The following IFT140 variants were observed in gnomAD, a reference collection of about 807,000 sequenced individuals.
IFT140 encodes the protein intraflagellar transport protein 140 homolog.
A neutral mutation model predicts 164.6 loss-of-function variants in IFT140; 133 were observed. The ratio of observed to expected loss-of-function variants is 0.81; its 90% CI spans 0.70 to 0.93. The LOEUF (loss-of-function observed/expected upper bound fraction) is 0.93, where lower values mean the gene tolerates loss of function less well. Among genes scored for constraint, IFT140 ranks in the 40% least tolerant of loss-of-function variants. The pLI, the probability that IFT140 is intolerant of heterozygous loss-of-function variation, is 0.00. For missense variants in IFT140, 2,045 were observed against 1,972.3 expected, an observed-to-expected ratio of 1.04 and a Z score of -0.70; for synonymous variants, 860 against 817.3, an observed-to-expected ratio of 1.05 and a Z score of -0.89.
intron 30 of IFT140, among the ~76,000 whole-genome samples, chr16:1,513,792 G>C (rs1228301853): frequency 2.0e-5 from 3 of 149,710 alleles, no homozygotes; most frequent in Non-Finnish European, 4.4e-5. Flanking sequence ...TCCTGCCTCA[G>C]CCTCCCAAGT....
At chr16:1,566,377 T>C (rs1174523147) in intron 15 of IFT140, 86 bp from the exon 16 acceptor site, 2 of 1,360,168 alleles carry the variant, frequency 1.5e-6, no homozygotes, top group Middle Eastern at 2.0e-4. Flanking sequence ...ACACAGCACA[T>C]GTCAAGAGAA....
chr16:1,515,323 C>T (rs1223602675), intron 30 of IFT140, among the ~76,000 whole-genome samples: 2 of 152,144 alleles, frequency 1.3e-5, no homozygotes, highest in Non-Finnish European at 1.5e-5. Context: ...AAGGGCCCCA[C>T]AGACAGCCCA....
chr16:1,574,168 C>A (rs1265602946), intron 13 of IFT140, among the ~76,000 whole-genome samples: 1 of 152,204 alleles, frequency 6.6e-6, no homozygotes, highest in Non-Finnish European at 1.5e-5. Context: ...CTCTTTTCGG[C>A]CTTAAAAACC....
chr16:1,601,211 C>T (rs1014200483), intron 4 of IFT140, among the ~76,000 whole-genome samples: 2 of 150,118 alleles, frequency 1.3e-5, no homozygotes, highest in African/African-American at 4.9e-5. Context: ...TTGCAGTGAG[C>T]TGAGAACGTG....
At position 1,557,962 on chromosome 16, in the gene IFT140, G is replaced by T. The variant is rs758544371; in HGVS notation, c.2372C>A (p.Ala791Asp). The T allele has an allele frequency of 6.2e-7, 1 of 1,613,776 alleles. No homozygotes were observed. ...TTTGATGAGCTTGATGGATTTGAAG[G>T]CTTCGTCCATGTCTCCTATGGTGAC... Reference protein sequence around the residue: ...FFVTIGDMDEAFKSIKLIKSE... With the variant: ...FFVTIGDMDEDFKSIKLIKSE... Residue 791 changes from alanine (A) to aspartate (D), a missense_variant, in exon 19 of 31, where the codon GCC (alanine) becomes GAC (aspartate). Ala to Asp is a moderately radical substitution (Grantham distance 126, BLOSUM62 -2). Coordinates refer to ENST00000426508, the MANE Select transcript of IFT140 (RefSeq NM_014714.4).
intron 19 of IFT140, chr16:1,528,709 C>A (rs1455595830): frequency 6.5e-6 from 1 of 153,216 alleles, no homozygotes; most frequent in Non-Finnish European, 1.5e-5. Flanking sequence ...AGGGCAGCAG[C>A]CCTGCAGCCT....
At chr16:1,540,069 G>A (rs2031482577) in intron 19 of IFT140, among the ~76,000 whole-genome samples, 1 of 152,160 alleles carries the variant, frequency 6.6e-6, no homozygotes, top group African/African-American at 2.4e-5. Flanking sequence ...AGGACGGCGG[G>A]GGGACCCTCA....
At chr16:1,521,634 C>T (rs1232950104) in intron 26 of IFT140, among the ~76,000 whole-genome samples, 1 of 151,754 alleles carries the variant, frequency 6.6e-6, no homozygotes, top group Non-Finnish European at 1.5e-5. Context: ...TCAGGTGATC[C>T]ACCCACCTCG....
chr16:1,579,355 ACCTTGTGGTT>A (rs2034436365), intron 13 of IFT140: 1 of 152,000 alleles, frequency 6.6e-6, no homozygotes, highest in African/African-American at 2.4e-5. Context: ...TGCAGTTCAG[ACCTTGTGGTT>A]CAAGGTCAAG....
At chr16:1,577,305 G>A (rs936640397) in intron 13 of IFT140, 1 of 152,192 alleles carries the variant, frequency 6.6e-6, no homozygotes, top group African/African-American at 2.4e-5. Flanking sequence ...ACAGTACTAT[G>A]AATGTATTTC....
rs569828117 is a variant in IFT140, at chr16:1,526,762, C to A, written c.2434G>T (p.Val812Leu). The A allele has an allele frequency of 1.2e-6, 2 of 1,610,420 alleles. No individual in the cohort carries two copies. Among genetic ancestry groups the A allele is most frequent in the African/African-American group, 2.7e-5 (2 of 75,054 alleles). The change falls in exon 20 of 31, where the codon GTG becomes TTG. Residue 812 changes from valine (V) to leucine (L), a missense_variant. Transcript: ENST00000426508. ...GCCACGTCCAGCCGCTGGGTCTTCACGCACATGCGCGCCATGTTCTCCCAG... is the reference window on the plus strand; with the variant it reads ...GCCACGTCCAGCCGCTGGGTCTTCAAGCACATGCGCGCCATGTTCTCCCAG... ...AVWENMARMCVKTQRLDVAKV... is the reference protein window; with the variant it reads ...AVWENMARMCLKTQRLDVAKV...
At chr16:1,512,514 G>A (rs1434659226) in intron 30 of IFT140, among the ~76,000 whole-genome samples, 4 of 152,140 alleles carry the variant, frequency 2.6e-5, no homozygotes, top group Non-Finnish European at 2.9e-5. Context: ...CAGGCTTCAA[G>A]CAACCATAGA....
At chr16:1,530,133 C>CTTTTTTTTTTTTTGTTTTTTTTTTTT (rs2030300034) in intron 19 of IFT140, among the ~76,000 whole-genome samples, 1 of 88,596 alleles carries the variant, frequency 1.1e-5, no homozygotes, top group African/African-American at 5.4e-5. Context: ...CGACGGGAAT[C>CTTTTTTTTTTTTTGTTTTTTTTTTTT]TTTTTTTTTT....
At chr16:1,549,507 C>T (rs2032460016) in intron 19 of IFT140, among the ~76,000 whole-genome samples, 2 of 152,212 alleles carry the variant, frequency 1.3e-5, no homozygotes, top group African/African-American at 4.8e-5. Context: ...CGGCTCACCG[C>T]CGCAAGCTCT....
chr16:1,569,009 T>C (rs1243804903), intron 14 of IFT140, among the ~76,000 whole-genome samples: 3 of 150,034 alleles, frequency 2.0e-5, no homozygotes, highest in Admixed American at 2.0e-4. Context: ...GCTTGTTTTT[T>C]TTTTTTTTTT....
At chr16:1,584,894 T>C (rs2034787099) in intron 10 of IFT140, among the ~76,000 whole-genome samples, 1 of 152,198 alleles carries the variant, frequency 6.6e-6, no homozygotes, top group South Asian at 2.1e-4. Flanking sequence ...TAGGAAAGTA[T>C]AAATTCCATA....
Position 1,551,829 on chromosome 16 carries a change from T to C in IFT140, c.2399+6106A>G, listed in dbSNP as rs1407749477. The stretch of plus-strand genomic sequence containing the variant: ...GACCTCCCACCCGGGCTGGTTGCCC[T>C]GTGTTGCCTTAGAGTTTTCTTCCCG... On this transcript the variant is annotated intron_variant, in intron 19 of 30. Coordinates refer to ENST00000426508, the MANE Select transcript of IFT140 (RefSeq NM_014714.4). The surrounding 1 kb of genome is among the most constrained non-coding windows in gnomAD (Gnocchi z 4.0). 1.3e-5 allele frequency among the ~76,000 whole-genome samples: 2 copies of C among 152,290 alleles called. No homozygotes were observed. The highest frequency in any genetic ancestry group is 2.1e-4 in the South Asian group (1 of 4,824).
At chr16:1,512,308 G>A (rs1833013679) in intron 30 of IFT140, among the ~76,000 whole-genome samples, 1 of 152,072 alleles carries the variant, frequency 6.6e-6, no homozygotes, top group Non-Finnish European at 1.5e-5. Flanking sequence ...TCAGGAGGGT[G>A]TGTGCGGGCT....
chr16:1,587,962 G>T lies in IFT140; in HGVS notation c.873C>A (p.Leu291=). 6.2e-7 allele frequency: 1 copy of T among 1,613,348 alleles called. No individual in the cohort carries two copies. Among genetic ancestry groups the T allele is most frequent in the South Asian group, 1.1e-5 (1 of 90,868 alleles). ...ADIALIEGSL[L]VMAVGEAALR... is the part of the protein sequence containing the mutation. ...GGGCAGCCTCCCCGACGGCCATCAC[G>T]AGAAGGCTGCCTTCAATCAAAGCGA... The change falls in exon 8 of 31, where the codon CTC becomes CTA. Residue 291 remains leucine (L), a synonymous_variant. Transcript: ENST00000426508.
Sources: gnomAD v4.1 joint callset for allele counts (sites outside exome capture counted in the v4.1 genomes callset) on GRCh38, gnomAD v4.1.1 for gene constraint, Gnocchi (gnomAD v3.1) non-coding constraint, MANE v1.5 for transcripts, NCBI Gene and HGNC (gene_info 2026-07-23, HGNC 2026-07-21) for gene names.